MS4A7: variants seen among roughly 807,000 people sequenced by gnomAD.
MS4A7 encodes the protein membrane-spanning 4-domains subfamily A member 7.
A neutral mutation model predicts 23.5 loss-of-function variants in MS4A7; 21 were observed. The observed-to-expected ratio is 0.89, with a 90% CI of 0.63 to 1.29. MS4A7 has a LOEUF of 1.29. MS4A7 is among the 50% of genes most tolerant of loss of function. The pLI is 0.00. For missense variants in MS4A7, 263 were observed against 274.2 expected (o/e 0.96, Z 0.29); for synonymous variants, 111 against 107.4 (o/e 1.03, Z -0.21).
chr11:60,392,863 C>A, intron 6 of MS4A7, 77 bp downstream of exon 6: 1 of 1,039,684 alleles, frequency 9.6e-7, no homozygotes, highest in Non-Finnish European at 1.5e-6. Context: ...CAAAAAGTGG[C>A]AAAAAGAAGA....
intron 2 of MS4A7, among the ~76,000 whole-genome samples, chr11:60,384,757 T>C: frequency 6.6e-6 from 1 of 152,232 alleles, no homozygotes; most frequent in East Asian, 1.9e-4. Context: ...GTGAAAAGTT[T>C]GCTCTCTATT....
Position 60,385,125 on chromosome 11 carries a change from T to C in MS4A7, c.185T>C (p.Leu62Pro). ...CTGTGTTGCCTGTTGATTTCAAGTC[T>C]GGGGGCCATCTTGGTTTTTGCTCCC... Reference protein sequence around the residue: ...QILCCLLISSLGAILVFAPYP... With the variant: ...QILCCLLISSPGAILVFAPYP... The change falls in exon 3 of 7, where the codon CTG becomes CCG. Residue 62 changes from leucine to proline, a missense_variant. Leu to Pro is a moderately conservative substitution (Grantham distance 98). Coordinates refer to ENST00000300184, the MANE Select transcript of MS4A7 (RefSeq NM_021201.5). The C allele has an allele frequency of 6.2e-7, 1 of 1,614,000 alleles. No individual in the cohort carries two copies. Among genetic ancestry groups the C allele is most frequent in the Non-Finnish European group, 8.5e-7 (1 of 1,179,852 alleles).
chr11:60,393,674 C>T, intron 6 of MS4A7, 113 bp from the exon 7 acceptor site: 1 of 590,082 alleles, frequency 1.7e-6, no homozygotes, highest in South Asian at 3.1e-5. Flanking sequence ...CATATTATGG[C>T]AAAGTTGGAA....
chr11:60,392,798 G>C lies in MS4A7; in HGVS notation c.648+12G>C. 6.3e-7 allele frequency: 1 copy of C among 1,585,148 alleles called. No individual in the cohort carries two copies. The highest frequency in any genetic ancestry group is 8.7e-7 in the Non-Finnish European group (1 of 1,153,712). ...CCAACAACCCTGGGGTGAGTATGCT[G>C]ACATGTCGCCTGATACCTGCTGTGT... is the stretch of plus-strand genomic sequence containing the variant. On this transcript the variant is annotated intron_variant, in intron 6 of 6. Coordinates refer to ENST00000300184, the MANE Select transcript of MS4A7 (RefSeq NM_021201.5).
chr11:60,389,273 A>C, intron 4 of MS4A7, 117 bp from the exon 5 acceptor site: 1 of 755,650 alleles, frequency 1.3e-6, no homozygotes, highest in Non-Finnish European at 2.1e-6. Context: ...GTGCCCACAC[A>C]AGGAAACAGG....
chr11:60,383,049 C>A, intron 1 of MS4A7, 80 bp from the exon 2 acceptor site: 1 of 1,456,014 alleles, frequency 6.9e-7, no homozygotes. Context: ...TTCTTAAGTT[C>A]CTACAAAGTA....
chr11:60,385,229 A>T lies in MS4A7; in HGVS notation c.282+7A>T. 1 of 1,614,098 alleles carries T rather than the reference A, an allele frequency of 6.2e-7. No individual in the cohort carries two copies. The highest frequency in any genetic ancestry group is 8.5e-7 in the Non-Finnish European group (1 of 1,179,976). ...ATTTTTAGGAGCTCTGTGTGTGAGT[A>T]GAATGGGGACTCTAAGAGGGGACAT... On this transcript the variant is annotated splice_region_variant and intron_variant, in intron 3 of 6. Transcript: ENST00000300184.
In MS4A7 at chr11:60,393,838, A is replaced by T. The variant is rs151139625; in HGVS notation, c.700A>T (p.Ser234Cys). 3.7e-6 allele frequency: 6 copies of T among 1,611,238 alleles called. No individual in the cohort carries two copies. Among genetic ancestry groups the T allele is most frequent in the Non-Finnish European group, 4.2e-6 (5 of 1,178,976 alleles). Residue 234 changes from serine (S) to cysteine (C), a missense_variant, in exon 7 of 7, where the codon AGT (serine) becomes TGT (cysteine). Ser to Cys is a moderately radical substitution (Grantham distance 112). Transcript: ENST00000300184. ...AGATCATATCCAACAGGTCAAAAAG[A>T]GTTCTTCACGGTCTTGGATATAAGT... ...SQDHIQQVKKSSSRSWI is the reference protein window; with the variant it reads ...SQDHIQQVKKCSSRSWI
chr11:60,380,624 G>C (rs2085418670), intron 1 of MS4A7, among the ~76,000 whole-genome samples: 2 of 152,316 alleles, frequency 1.3e-5, no homozygotes, highest in Admixed American at 1.3e-4. Context: ...AAGGAACCCA[G>C]AACTCAGGAG....
In MS4A7 at chr11:60,395,152, T is replaced by TA. The variant is rs1350163868; in HGVS notation, c.*1292dup. Reference sequence around the variant, plus strand: ...CCCTGCACTTTGTACCACATGGGCGTATTCTTTCTTCCCAGTCATTGCTGC... The same window carrying TA: ...CCCTGCACTTTGTACCACATGGGCGTAATTCTTTCTTCCCAGTCATTGCTGC... On this transcript the variant is annotated 3_prime_UTR_variant, in exon 7 of 7. Coordinates refer to ENST00000300184, the MANE Select transcript of MS4A7 (RefSeq NM_021201.5). 1 of 376,214 alleles carries TA rather than the reference T, an allele frequency of 2.7e-6. No homozygotes were observed. 23.3% of individuals were successfully genotyped at this position (376,214 alleles called of 1,614,324 possible).
intron 5 of MS4A7, among the ~76,000 whole-genome samples, chr11:60,392,190 A>G (rs890045312): frequency 6.6e-6 from 1 of 152,140 alleles, no homozygotes; most frequent in Non-Finnish European, 1.5e-5. Context: ...CCTAAAAGGT[A>G]TGATGGATGC....
intron 6 of MS4A7, 38 bp from the exon 7 acceptor site, chr11:60,393,749 C>T (rs760588192): frequency 9.2e-6 from 14 of 1,525,112 alleles, no homozygotes; most frequent in Non-Finnish European, 1.3e-5. Flanking sequence ...TCTCCGAAAT[C>T]AAAGTTTAAA....
intron 2 of MS4A7, 63 bp downstream of exon 2, chr11:60,383,351 A>G (rs61732949): frequency 6.4e-7 from 1 of 1,573,676 alleles, no homozygotes; most frequent in Non-Finnish European, 8.7e-7. Flanking sequence ...TCTAGACTAC[A>G]GATCTACAGT....
chr11:60,385,385 G>T (rs1446958015), intron 3 of MS4A7, among the ~76,000 whole-genome samples, 163 bp downstream of exon 3: 4 of 152,210 alleles, frequency 2.6e-5, no homozygotes, highest in Non-Finnish European at 4.4e-5. Context: ...TATTCAAGAA[G>T]AGCAGCAGAG....
At position 60,380,187 on chromosome 11, in the gene MS4A7, G is replaced by C. The variant is rs376671836; in HGVS notation, c.-14+1523G>C. On this transcript the variant is annotated intron_variant, in intron 1 of 6. Coordinates refer to ENST00000300184, the MANE Select transcript of MS4A7 (RefSeq NM_021201.5). The stretch of plus-strand genomic sequence containing the variant: ...AGGCTTTTTATTATTTCTATTCATC[G>C]GTCAAAGATGTCTACAGAATAATGT... 5.3e-5 allele frequency among the ~76,000 whole-genome samples: 8 copies of C among 152,148 alleles called. No individual in the cohort carries two copies. The South Asian group carries it at 8.3e-4, about 16-fold the overall frequency.
intron 4 of MS4A7, 57 bp from the exon 5 acceptor site, chr11:60,389,333 T>C: frequency 1.4e-6 from 2 of 1,428,156 alleles, no homozygotes; most frequent in Non-Finnish European, 1.9e-6. Context: ...GACAGAGGAC[T>C]AATAGTGTCA....
Position 60,395,468 on chromosome 11 carries a change from A to G in MS4A7, c.*1607A>G, listed in dbSNP as rs1191975922. On this transcript the variant is annotated 3_prime_UTR_variant, in exon 7 of 7. Coordinates refer to ENST00000300184, the MANE Select transcript of MS4A7 (RefSeq NM_021201.5). ...AATACTCAAGTTATTATGTGTATAC[A>G]TTGGTTTTAGTTTTATGAAACAATT... 6.6e-6 allele frequency: 1 copy of G among 152,260 alleles called. No individual in the cohort carries two copies. Among genetic ancestry groups the G allele is most frequent in the African/African-American group, 2.4e-5 (1 of 41,454 alleles). 9.4% of individuals were successfully genotyped at this position (152,260 alleles called of 1,614,324 possible).
chr11:60,382,394 A>G (rs2085440505), intron 1 of MS4A7, among the ~76,000 whole-genome samples: 1 of 152,256 alleles, frequency 6.6e-6, no homozygotes, highest in African/African-American at 2.4e-5. Flanking sequence ...CAGGCTAAGT[A>G]CTTTATGTGA....
intron 2 of MS4A7, among the ~76,000 whole-genome samples, chr11:60,384,034 A>G (rs2085458775): frequency 6.6e-6 from 1 of 152,196 alleles, no homozygotes; most frequent in African/African-American, 2.4e-5. Context: ...GTCCCAGATC[A>G]TCATCCCTCA....
Sources: gnomAD v4.1 joint callset for allele counts (sites outside exome capture counted in the v4.1 genomes callset) on GRCh38, gnomAD v4.1.1 for gene constraint, MANE v1.5 for transcripts, NCBI Gene and HGNC (gene_info 2026-07-23, HGNC 2026-07-21) for gene names.